The following TERF1 variants were observed in gnomAD, a reference collection of about 807,000 sequenced individuals.
TERF1 encodes the protein telomeric repeat-binding factor 1.
TERF1 carries 20 observed loss-of-function variants against 55.1 expected under a neutral mutation model. The observed-to-expected ratio is 0.36, with a 90% CI of 0.26 to 0.53. The LOEUF is 0.53. TERF1 is among the 20% of genes least tolerant of loss of function. TERF1 has a pLI of 0.91. For missense variants in TERF1, 439 were observed against 535.7 expected (o/e 0.82, Z 1.78); for synonymous variants, 168 against 181.2 (o/e 0.93, Z 0.59).
chr8:73,021,490 G>A (rs1808750644), intron 3 of TERF1, among the ~76,000 whole-genome samples: 1 of 152,118 alleles, frequency 6.6e-6, no homozygotes, highest in African/African-American at 2.4e-5. Context: ...ATACACTACT[G>A]TAAAATCAAA....
intron 9 of TERF1, among the ~76,000 whole-genome samples, chr8:73,042,334 CA>C (rs1218502566): frequency 2.0e-5 from 3 of 151,980 alleles, no homozygotes; most frequent in Admixed American, 2.0e-4. Context: ...TTTCCTATGC[CA>C]AAAAAGAATT....
rs747030641 is a variant in TERF1 at position 73,024,862 on chromosome 8, A to T, written c.665A>T (p.Asp222Val). 1 of 1,588,916 alleles carries T rather than the reference A, an allele frequency of 6.3e-7. No individual in the cohort carries two copies. The highest frequency in any genetic ancestry group is 2.2e-5 in the East Asian group (1 of 44,560). The change falls in exon 5 of 10, where the codon GAT becomes GTT. Residue 222 changes from aspartate (D) to valine (V), a missense_variant. Physicochemically the swap from Asp to Val is radical, Grantham distance 152 (BLOSUM62 -3). Transcript: ENST00000276603. ...SKLLMIISQK[D>V]TFHSFFQHFS... ...TTGCTTATGATAATCTCTCAGAAAG[A>T]TACATTTCATTCCTTTTTTCAACAC...
chr8:73,032,386 G>T (rs534627567), intron 8 of TERF1, among the ~76,000 whole-genome samples: 62 of 152,110 alleles, frequency 4.1e-4, no homozygotes, highest in Non-Finnish European at 7.1e-4. Context: ...TTCAAGTATA[G>T]TCATATGCCA....
chr8:73,015,093 G>A (rs1018021817), intron 2 of TERF1, among the ~76,000 whole-genome samples: 2 of 152,078 alleles, frequency 1.3e-5, no homozygotes, highest in African/African-American at 4.8e-5. Context: ...TTGCTTCCTG[G>A]ATAACCTTTT....
chr8:73,038,980 T>G, intron 8 of TERF1, 136 bp from the exon 9 acceptor site: 2 of 784,382 alleles, frequency 2.5e-6, no homozygotes, highest in South Asian at 4.6e-5. Flanking sequence ...GCTTCCAGAT[T>G]TGAAGGAAAA....
At chr8:73,043,789 C>T (rs1809926899) in intron 9 of TERF1, among the ~76,000 whole-genome samples, 1 of 152,170 alleles carries the variant, frequency 6.6e-6, no homozygotes, top group South Asian at 2.1e-4. Flanking sequence ...ATTAAAAATA[C>T]TACAGCTCAG....
At chr8:73,020,462 A>G (rs1309580404) in intron 2 of TERF1, among the ~76,000 whole-genome samples, 5 of 152,176 alleles carry the variant, frequency 3.3e-5, no homozygotes, top group Non-Finnish European at 7.4e-5. Context: ...TTGTAAAGAA[A>G]ATCTTCAAAT....
intron 1 of TERF1, chr8:73,013,007 GACTGTGTATGGTCCAGATA>G: frequency 2.2e-6 from 1 of 449,784 alleles, no homozygotes; most frequent in South Asian, 1.6e-5. Context: ...ATTCTATTAT[GACTGTGTATGGTCCAGATA>G]ATCTCTGGTG....
chr8:73,036,070 G>A (rs1018346804), intron 8 of TERF1, among the ~76,000 whole-genome samples: 6 of 152,180 alleles, frequency 3.9e-5, no homozygotes, highest in Admixed American at 1.3e-4. Context: ...CCCCAAGTCC[G>A]GTGGACTATG....
Position 73,032,724 on chromosome 8 carries a change from A to G in TERF1, c.1039+591A>G, listed in dbSNP as rs56303303. On this transcript the variant is annotated intron_variant, in intron 8 of 9. Coordinates refer to ENST00000276603, the MANE Select transcript of TERF1 (RefSeq NM_017489.3). ...GTTACTTTTCAGAAACATTAAGTAC[A>G]GTTGATTCTTGTTATTCACAGTAGT... Among the ~76,000 whole-genome samples the G allele has an allele frequency of 3.0e-3, 458 of 152,274 alleles. 1 individual carries two copies. Among genetic ancestry groups the G allele is most frequent in the Middle Eastern group, 0.01 (3 of 294 alleles).
intron 1 of TERF1, among the ~76,000 whole-genome samples, chr8:73,013,197 A>C (rs1277934968): frequency 6.6e-6 from 1 of 152,132 alleles, no homozygotes; most frequent in African/African-American, 2.4e-5. Flanking sequence ...TAGTAGTGGC[A>C]CCTTCAGGTC....
At chr8:73,037,906 A>T (rs1196290267) in intron 8 of TERF1, among the ~76,000 whole-genome samples, 1 of 124,630 alleles carries the variant, frequency 8.0e-6, no homozygotes, top group African/African-American at 3.1e-5. Flanking sequence ...ATATATAAAT[A>T]TGATATAATA....
chr8:73,025,754 CAAAAAAAAAAAAAAAAA>C (rs35028162), intron 5 of TERF1, among the ~76,000 whole-genome samples: 1 of 47,262 alleles, frequency 2.1e-5, no homozygotes, highest in Non-Finnish European at 3.8e-5. Context: ...GACTCTGTCT[CAAAAAAAAAAAAAAAAA>C]AAAAAAAAAG....
Position 73,037,959 on chromosome 8 carries a change from A to T in TERF1, c.1040-1157A>T, listed in dbSNP as rs560235666. Among the ~76,000 whole-genome samples the T allele has an allele frequency of 1.6e-4, 22 of 135,264 alleles. No individual in the cohort carries two copies. In the East Asian group the frequency reaches 3.4e-3, roughly 21 times the overall value. The allele number at this position is 135,264 out of a possible 152,430, so 88.7% of individuals were successfully genotyped here. ...TTATATATATATAAAACATATATAT[A>T]TTTTTCCCCCCGAATATTTTATTCC... On this transcript the variant is annotated intron_variant, in intron 8 of 9. Transcript: ENST00000276603.
intron 7 of TERF1, 82 bp downstream of exon 7, chr8:73,030,477 C>A: frequency 3.5e-5 from 28 of 798,410 alleles, no homozygotes; most frequent in Admixed American, 1.2e-4. Flanking sequence ...AAAACTACCA[C>A]ATAAATGGTA....
chr8:73,020,409 T>C (rs1808700223), intron 2 of TERF1, among the ~76,000 whole-genome samples: 1 of 152,198 alleles, frequency 6.6e-6, no homozygotes, highest in Non-Finnish European at 1.5e-5. Flanking sequence ...TGCTATGACA[T>C]GTTATGTAAA....
chr8:73,032,250 G>A (rs1316278435), intron 8 of TERF1, 117 bp downstream of exon 8: 3 of 658,270 alleles, frequency 4.6e-6, no homozygotes, highest in Non-Finnish European at 7.6e-6. Context: ...GAAGCACAAA[G>A]TCTTGACTTC....
chr8:73,025,608 T>C (rs1175425224), intron 5 of TERF1, among the ~76,000 whole-genome samples: 1 of 151,600 alleles, frequency 6.6e-6, no homozygotes, highest in African/African-American at 2.4e-5. Context: ...TACAAAAAAA[T>C]TAGCTGGGTG....
chr8:73,013,825 C>T, intron 1 of TERF1, 70 bp from the exon 2 acceptor site: 8 of 917,428 alleles, frequency 8.7e-6, no homozygotes, highest in Non-Finnish European at 1.2e-5. Context: ...GCCTATTACT[C>T]AACAAACCAC....
Sources: allele counts gnomAD v4.1 joint callset (sites outside exome capture counted in the v4.1 genomes callset), GRCh38; gene constraint gnomAD v4.1.1; transcripts MANE v1.5; gene names NCBI Gene and HGNC (gene_info 2026-07-23, HGNC 2026-07-21).